PRDM16: variants seen among roughly 807,000 people sequenced by gnomAD.
PRDM16 encodes the protein histone-lysine N-methyltransferase PRDM16.
In PRDM16, 23 loss-of-function variants were observed where a neutral mutation model predicts 110.6. The ratio of observed to expected loss-of-function variants is 0.21; its 90% CI spans 0.15 to 0.29. The LOEUF (loss-of-function observed/expected upper bound fraction) is 0.29, where lower values mean the gene tolerates loss of function less well. Ranked by LOEUF, PRDM16 falls within the 10% of genes least tolerant of loss-of-function variation. The pLI, the probability that PRDM16 is intolerant of heterozygous loss-of-function variation, is 1.00. For missense variants in PRDM16, 1,615 were observed against 1,794.3 expected (o/e 0.90, Z 1.81); for synonymous variants, 799 against 781.8 (o/e 1.02, Z -0.37).
At position 3,412,790 on chromosome 1, in the gene PRDM16, C is replaced by A. The variant is rs1330865718; in HGVS notation, c.2593C>A (p.Pro865Thr). ...YAKPSPFFMD[P>T]IYSRVEKRKV... is the part of the protein sequence containing the mutation. Reference sequence around the variant, plus strand: ...CAAGCCCTCGCCCTTCTTCATGGACCCCATCTACAGGTATTCAGCACCCCA... The same window carrying A: ...CAAGCCCTCGCCCTTCTTCATGGACACCATCTACAGGTATTCAGCACCCCA... Residue 865 changes from proline to threonine, a missense_variant, in exon 9 of 17, where the codon CCC (proline) becomes ACC (threonine). Pro to Thr is a conservative substitution (Grantham distance 38). Coordinates refer to ENST00000270722, the MANE Select transcript of PRDM16 (RefSeq NM_022114.4). The A allele has an allele frequency of 2.0e-6, 3 of 1,467,674 alleles. No homozygotes were observed. Among genetic ancestry groups the A allele is most frequent in the Non-Finnish European group, 9.0e-7 (1 of 1,109,488 alleles). 90.9% of individuals were successfully genotyped at this position (1,467,674 alleles called of 1,614,324 possible).
chr1:3,089,287 C>T (rs951092411), intron 1 of PRDM16, among the ~76,000 whole-genome samples: 2 of 152,246 alleles, frequency 1.3e-5, no homozygotes, highest in African/African-American at 2.4e-5. Context: ...ATAGGGACTG[C>T]TGGTAGCCCA....
chr1:3,228,081 T>C (rs1639332686), intron 2 of PRDM16, among the ~76,000 whole-genome samples: 1 of 152,260 alleles, frequency 6.6e-6, no homozygotes, highest in Non-Finnish European at 1.5e-5. Flanking sequence ...GTGGCGAGGC[T>C]GTCCCTGCCA....
intron 1 of PRDM16, among the ~76,000 whole-genome samples, chr1:3,146,636 G>T (rs945276319): frequency 7.3e-6 from 1 of 137,358 alleles, no homozygotes; most frequent in Non-Finnish European, 1.6e-5. Flanking sequence ...CATGTGCTTG[G>T]TATGGGGTGT....
At chr1:3,352,624 A>T (rs1642516615) in intron 3 of PRDM16, among the ~76,000 whole-genome samples, 2 of 152,264 alleles carry the variant, frequency 1.3e-5, no homozygotes. Context: ...CGCGCAGCAC[A>T]GCTTGTTCCC....
intron 2 of PRDM16, among the ~76,000 whole-genome samples, chr1:3,234,797 G>T (rs569550213): frequency 6.6e-6 from 1 of 152,314 alleles, no homozygotes; most frequent in African/African-American, 2.4e-5. Context: ...TGCCACGTGG[G>T]GTCTCCCTTG....
At chr1:3,203,119 C>G (rs371113168) in intron 2 of PRDM16, among the ~76,000 whole-genome samples, 24 of 152,302 alleles carry the variant, frequency 1.6e-4, no homozygotes, top group Admixed American at 6.5e-4. Flanking sequence ...CACACCACCC[C>G]CAACCCCGGG....
chr1:3,119,759 A>G (rs1252368504), intron 1 of PRDM16, among the ~76,000 whole-genome samples: 1 of 152,194 alleles, frequency 6.6e-6, no homozygotes, highest in Non-Finnish European at 1.5e-5. Context: ...TTCTTCACGT[A>G]AGCGGTGGAG....
intron 1 of PRDM16, among the ~76,000 whole-genome samples, chr1:3,070,189 C>T (rs1384352064): frequency 2.6e-5 from 4 of 151,854 alleles, no homozygotes; most frequent in Non-Finnish European, 5.9e-5. Context: ...CTGCCCCGGC[C>T]AGGCTGCCCG....
At chr1:3,391,897 G>A (rs2483217) in intron 4 of PRDM16, among the ~76,000 whole-genome samples, 4,320 of 152,324 alleles carry the variant, frequency 0.028, 206 homozygotes, top group African/African-American at 0.097. Flanking sequence ...GCTGCAAATC[G>A]GGGTGCTGCC....
At chr1:3,286,958 G>C (rs1247642002) in intron 3 of PRDM16, among the ~76,000 whole-genome samples, 1 of 149,626 alleles carries the variant, frequency 6.7e-6, no homozygotes, top group Non-Finnish European at 1.5e-5. Flanking sequence ...CTGGGTGCTG[G>C]GACTCAAAGC....
At chr1:3,198,512 A>G in intron 2 of PRDM16, among the ~76,000 whole-genome samples, 1 of 152,216 alleles carries the variant, frequency 6.6e-6, no homozygotes, top group East Asian at 1.9e-4. Context: ...GCCCACCTGG[A>G]GTGCTTGGCG....
At chr1:3,310,382 C>T (rs1641421169) in intron 3 of PRDM16, among the ~76,000 whole-genome samples, 1 of 152,190 alleles carries the variant, frequency 6.6e-6, no homozygotes, top group South Asian at 2.1e-4. Context: ...GAAGCGCCCT[C>T]CCTCTGCTGA....
Position 3,330,467 on chromosome 1 carries a change from A to G in PRDM16, c.439-54685A>G, listed in dbSNP as rs1302732520. Among the ~76,000 whole-genome samples, 6 of 152,198 alleles carry G rather than the reference A, an allele frequency of 3.9e-5. 1 individual carries two copies. The highest frequency in any genetic ancestry group is 1.9e-4 in the East Asian group (1 of 5,192). Reference sequence around the variant, plus strand: ...CCTGAACAGAGAGCAGAGGCCTCACATGGCGCCCATTCTCTTCTGCTCTTC... The same window carrying G: ...CCTGAACAGAGAGCAGAGGCCTCACGTGGCGCCCATTCTCTTCTGCTCTTC... On this transcript the variant is annotated intron_variant, in intron 3 of 16. Coordinates refer to ENST00000270722, the MANE Select transcript of PRDM16 (RefSeq NM_022114.4).
rs1359164953 is a variant in PRDM16, at chr1:3,157,499, C to G, written c.38-28626C>G. On this transcript the variant is annotated intron_variant, in intron 1 of 16. Coordinates refer to ENST00000270722, the MANE Select transcript of PRDM16 (RefSeq NM_022114.4). This position sits in a 1 kb window ranked among gnomAD's most constrained non-coding sequence, Gnocchi z 4.8. ...CTTGAAAACAGACATGGGCCAGATC[C>G]AGTTGTTTGGTAGGATAAGGTCTTT... is the stretch of plus-strand genomic sequence containing the variant. 6.7e-6 allele frequency among the ~76,000 whole-genome samples: 1 copy of G among 148,592 alleles called. No homozygotes were observed. Among genetic ancestry groups the G allele is most frequent in the Non-Finnish European group, 1.5e-5 (1 of 67,736 alleles).
At chr1:3,185,114 G>T (rs1174865193) in intron 1 of PRDM16, among the ~76,000 whole-genome samples, 2 of 152,154 alleles carry the variant, frequency 1.3e-5, no homozygotes, top group African/African-American at 2.4e-5. Context: ...TCCTGATTTG[G>T]CTGCACTGGG....
rs552642893 is a variant in PRDM16, at chr1:3,110,014, A to G, written c.37+40718A>G. ...CCCCGTGTCCTGGATGTGGGGACACAGTGTCTGCGGCTCCCCCATGTCCTG... is the reference window on the plus strand; with the variant it reads ...CCCCGTGTCCTGGATGTGGGGACACGGTGTCTGCGGCTCCCCCATGTCCTG... On this transcript the variant is annotated intron_variant, in intron 1 of 16. Coordinates refer to ENST00000270722, the MANE Select transcript of PRDM16 (RefSeq NM_022114.4). 1.1e-3 allele frequency among the ~76,000 whole-genome samples: 166 copies of G among 150,322 alleles called. 1 individual carries two copies. The highest frequency in any genetic ancestry group is 3.8e-3 in the African/African-American group (156 of 40,812).
rs1464991263 is a variant in PRDM16 at position 3,190,353 on chromosome 1, C to T, written c.387+3879C>T. Among the ~76,000 whole-genome samples the T allele has an allele frequency of 6.6e-6, 1 of 152,204 alleles. No individual in the cohort carries two copies. Among genetic ancestry groups the T allele is most frequent in the African/African-American group, 2.4e-5 (1 of 41,434 alleles). Reference sequence around the variant, plus strand: ...CAGGAATGAGGCTGGGGGTCGGGAGCTGAGTTTCCTCCGGCCTCAGTTGCT... The same window carrying T: ...CAGGAATGAGGCTGGGGGTCGGGAGTTGAGTTTCCTCCGGCCTCAGTTGCT... On this transcript the variant is annotated intron_variant, in intron 2 of 16. Coordinates refer to ENST00000270722, the MANE Select transcript of PRDM16 (RefSeq NM_022114.4). This position sits in a 1 kb window ranked among gnomAD's most constrained non-coding sequence, Gnocchi z 5.0.
rs571661140 is a variant in PRDM16, at chr1:3,405,254, G to A, written c.1033-241G>A. Among the ~76,000 whole-genome samples the A allele has an allele frequency of 4.6e-5, 7 of 152,318 alleles. No individual in the cohort carries two copies. The South Asian group carries it at 1.0e-3, about 23-fold the overall frequency. On this transcript the variant is annotated intron_variant, in intron 7 of 16. Transcript: ENST00000270722. ...AACGCTTTCTGCAGCCCTGTCTCAC[G>A]CAGCCTCAGTTCAGGAATTGTTCTT...
chr1:3,341,761 C>T (rs1642277769), intron 3 of PRDM16, among the ~76,000 whole-genome samples: 2 of 152,270 alleles, frequency 1.3e-5, no homozygotes. Context: ...GCAGCTGCCG[C>T]TCCCAGGCCA....
Sources: gnomAD v4.1 joint callset for allele counts (sites outside exome capture counted in the v4.1 genomes callset) on GRCh38, gnomAD v4.1.1 for gene constraint, Gnocchi (gnomAD v3.1) non-coding constraint, MANE v1.5 for transcripts, NCBI Gene and HGNC (gene_info 2026-07-23, HGNC 2026-07-21) for gene names.